The following HUS1 variants were observed in gnomAD, a reference collection of about 807,000 sequenced individuals.
HUS1 encodes the protein HUS1 checkpoint clamp component.
HUS1 carries 31 observed loss-of-function variants against 32.6 expected under a neutral mutation model. That is an observed-to-expected ratio of 0.95 (90% CI 0.72 to 1.28). The LOEUF is 1.28. Among genes scored for constraint, HUS1 ranks in the 50% most tolerant of loss-of-function variants. HUS1 has a pLI of 0.00. For missense variants in HUS1, 340 were observed against 337.7 expected (o/e 1.01, Z -0.05); for synonymous variants, 123 against 116.6 (o/e 1.06, Z -0.36).
chr7:47,964,399 G>C lies in HUS1; in HGVS notation c.*957C>G. ...AACAAAACAAAACAAGAAAACAAAAGATAATGTTTATCATGTCCACCTCCA... is the reference window on the plus strand; with the variant it reads ...AACAAAACAAAACAAGAAAACAAAACATAATGTTTATCATGTCCACCTCCA... On this transcript the variant is annotated 3_prime_UTR_variant, in exon 8 of 8. Coordinates refer to ENST00000258774, the MANE Select transcript of HUS1 (RefSeq NM_004507.4). 1 of 152,242 alleles carries C rather than the reference G, an allele frequency of 6.6e-6. No homozygotes were observed. Among genetic ancestry groups the C allele is most frequent in the East Asian group, 1.9e-4 (1 of 5,184 alleles). 9.4% of individuals were successfully genotyped at this position (152,242 alleles called of 1,614,324 possible). A position where few individuals can be genotyped will look rare whatever the true frequency, so the allele number is the denominator to read the frequency against.
At chr7:47,970,394 T>C (rs1420120726) in intron 5 of HUS1, among the ~76,000 whole-genome samples, 1 of 150,494 alleles carries the variant, frequency 6.6e-6, no homozygotes, top group Non-Finnish European at 1.5e-5. Context: ...AGGAAAAATT[T>C]CAGAAACAGA....
In HUS1 at chr7:47,978,690, T is replaced by TGTG; in HGVS notation, c.178_179insCAC (p.Glu59_Gln60insPro). On this transcript the variant is annotated inframe_insertion and splice_region_variant, in exon 2 of 8. Transcript: ENST00000258774. ...GGCCTCTCAGAAGCTTTTGCTCACCTGTTCCAGCTCACACCACATGCTCAC... is the reference window on the plus strand; with the variant it reads ...GGCCTCTCAGAAGCTTTTGCTCACCTGTGGTTCCAGCTCACACCACATGCTCAC... 6.2e-7 allele frequency: 1 copy of TGTG among 1,614,158 alleles called. No homozygotes were observed. Among genetic ancestry groups the TGTG allele is most frequent in the South Asian group, 1.1e-5 (1 of 91,078 alleles).
chr7:47,965,525 G>A (rs2037483), intron 7 of HUS1, 87 bp from the exon 8 acceptor site: 420,200 of 867,144 alleles, frequency 0.48, 104,727 homozygotes, highest in East Asian at 0.52. Context: ...TTCCCAGCCT[G>A]CACCTCCTGT....
At chr7:47,977,543 T>A (rs111854917) in intron 3 of HUS1, among the ~76,000 whole-genome samples, 34 of 151,454 alleles carry the variant, frequency 2.2e-4, no homozygotes, top group African/African-American at 8.1e-4. Flanking sequence ...TACTGTGACA[T>A]GAAATGCCCT....
intron 7 of HUS1, 140 bp from the exon 8 acceptor site, chr7:47,965,578 T>C (rs1207528257): frequency 1.1e-5 from 7 of 618,158 alleles, no homozygotes; most frequent in Non-Finnish European, 2.9e-6. Flanking sequence ...GAGACCACAG[T>C]CTCTCACTCT....
chr7:47,965,615 G>A (rs561449205), intron 7 of HUS1, among the ~76,000 whole-genome samples, 177 bp from the exon 8 acceptor site: 21 of 152,170 alleles, frequency 1.4e-4, no homozygotes, highest in Non-Finnish European at 2.1e-4. Context: ...GCTACATCAC[G>A]GCCCCAGCAC....
Position 47,967,799 on chromosome 7 carries a change from C to T in HUS1, c.760+7G>A. ...ATATGAAAAACAAAACAGAGAAGCA[C>T]ACTCACTGCATAAGGCCTTTGTGGG... is the stretch of plus-strand genomic sequence containing the variant. On this transcript the variant is annotated splice_region_variant and intron_variant, in intron 7 of 7. Coordinates refer to ENST00000258774, the MANE Select transcript of HUS1 (RefSeq NM_004507.4). The T allele has an allele frequency of 6.2e-7, 1 of 1,608,604 alleles. No homozygotes were observed. Among genetic ancestry groups the T allele is most frequent in the Non-Finnish European group, 8.5e-7 (1 of 1,177,772 alleles).
intron 1 of HUS1, 52 bp downstream of exon 1, chr7:47,979,416 C>T (rs1788779002): frequency 1.2e-6 from 2 of 1,609,424 alleles, no homozygotes; most frequent in African/African-American, 2.7e-5. Flanking sequence ...CCACCGCGCG[C>T]TCACTGCTTC....
At position 47,979,493 on chromosome 7, in the gene HUS1, G is replaced by A. The variant is rs762826065; in HGVS notation, c.27C>T (p.Asp9=). The A allele has an allele frequency of 3.1e-6, 5 of 1,613,078 alleles. No individual in the cohort carries two copies. The highest frequency in any genetic ancestry group is 2.2e-5 in the South Asian group (2 of 91,074). Residue 9 remains aspartate, a synonymous_variant, in exon 1 of 8, where the codon GAC becomes GAT. Transcript: ENST00000258774. ...GTGTGAAGTGGTTCAGACAGGCCCC[G>A]TCCACGATCTTGGCCCGAAACTTCA... The part of the protein sequence containing the change: MKFRAKIV[D]GACLNHFTRI...
At position 47,963,849 on chromosome 7, in the gene HUS1, T is replaced by C. The variant is rs1788420547; in HGVS notation, c.*1507A>G. Reference sequence around the variant, plus strand: ...TGAACTTGGGAAGTGGAGGCTGCAGTAAGCCAAGATCGCGCCACTAGCACT... The same window carrying C: ...TGAACTTGGGAAGTGGAGGCTGCAGCAAGCCAAGATCGCGCCACTAGCACT... On this transcript the variant is annotated 3_prime_UTR_variant, in exon 8 of 8. Transcript: ENST00000258774. 6.6e-6 allele frequency: 1 copy of C among 151,344 alleles called. No homozygotes were observed. The highest frequency in any genetic ancestry group is 2.4e-5 in the African/African-American group (1 of 41,102). 9.4% of individuals were successfully genotyped at this position (151,344 alleles called of 1,614,324 possible).
Position 47,970,009 on chromosome 7 carries a change from G to A in HUS1, c.541-691C>T, listed in dbSNP as rs887441953. 4.6e-5 allele frequency among the ~76,000 whole-genome samples: 7 copies of A among 151,910 alleles called. No homozygotes were observed. The South Asian group carries it at 6.2e-4, about 14-fold the overall frequency. ...AGCACTTTGGGAGGCCGAGGCGGGC[G>A]GATCACGAGGTCAGGAGATCAAGAC... On this transcript the variant is annotated intron_variant, in intron 5 of 7. Coordinates refer to ENST00000258774, the MANE Select transcript of HUS1 (RefSeq NM_004507.4).
Position 47,976,780 on chromosome 7 carries a change from G to A in HUS1, c.415C>T (p.Pro139Ser). ...TGTAAGTCCTTCCACAATTTCCTAG[G>A]AATCACCTTTATGGGGATGTCATGG... ...VTHDIPIKVIPRKLWKDLQEP... is the reference protein window; with the variant it reads ...VTHDIPIKVISRKLWKDLQEP... The change falls in exon 4 of 8, where the codon CCT becomes TCT. Residue 139 changes from proline (P) to serine (S), a missense_variant. Physicochemically the swap from Pro to Ser is moderately conservative, Grantham distance 74. Coordinates refer to ENST00000258774, the MANE Select transcript of HUS1 (RefSeq NM_004507.4). 6.2e-7 allele frequency: 1 copy of A among 1,613,760 alleles called. No homozygotes were observed. Among genetic ancestry groups the A allele is most frequent in the Non-Finnish European group, 8.5e-7 (1 of 1,179,764 alleles).
intron 7 of HUS1, among the ~76,000 whole-genome samples, chr7:47,967,569 C>T (rs1788503874): frequency 6.6e-6 from 1 of 152,156 alleles, no homozygotes; most frequent in Non-Finnish European, 1.5e-5. Context: ...AGTGTGGCTG[C>T]AGGTTTCAGG....
rs1433075579 is a variant in HUS1, at chr7:47,969,262, T to C, written c.597A>G (p.Val199=). 4 of 1,591,038 alleles carry C rather than the reference T, an allele frequency of 2.5e-6. No homozygotes were observed. In the East Asian group the frequency reaches 6.7e-5, roughly 27 times the overall value. ...ELNLKIETEL[V]CVTTHFKDLG... The stretch of plus-strand genomic sequence containing the variant: ...GATCTTTAAAATGAGTTGTAACACA[T>C]ACTAATTCAGTTTCTATTTTCAAAT... Residue 199 remains valine (V), a synonymous_variant, in exon 6 of 8, where the codon GTA becomes GTG. Coordinates refer to ENST00000258774, the MANE Select transcript of HUS1 (RefSeq NM_004507.4).
rs1788439077 is a variant in HUS1 at position 47,964,685 on chromosome 7, AG to A, written c.*670del. Reference sequence around the variant, plus strand: ...ACAACCTAAACCCAAAACTGGCCCCAGGAAGAAACTAGTTGGAATGGCAGAA... The same window carrying A: ...ACAACCTAAACCCAAAACTGGCCCCAGAAGAAACTAGTTGGAATGGCAGAA... On this transcript the variant is annotated 3_prime_UTR_variant, in exon 8 of 8. Coordinates refer to ENST00000258774, the MANE Select transcript of HUS1 (RefSeq NM_004507.4). 1 of 152,306 alleles carries A rather than the reference AG, an allele frequency of 6.6e-6. No homozygotes were observed. The highest frequency in any genetic ancestry group is 1.5e-5 in the Non-Finnish European group (1 of 68,086). The allele number at this position is 152,306 out of a possible 1,614,324, so 9.4% of individuals were successfully genotyped here. A position where few individuals can be genotyped will look rare whatever the true frequency, so the allele number is the denominator to read the frequency against.
In HUS1 at chr7:47,979,592, C is replaced by A; in HGVS notation, c.-73G>T. ...GCGTCGCGCCCTGAGTGTCCCCGCC[C>A]GGAAACACGGCAGCGCGAACAGTGG... is the stretch of plus-strand genomic sequence containing the variant. On this transcript the variant is annotated 5_prime_UTR_variant, in exon 1 of 8. Coordinates refer to ENST00000258774, the MANE Select transcript of HUS1 (RefSeq NM_004507.4). 4 of 1,200,216 alleles carry A rather than the reference C, an allele frequency of 3.3e-6. No individual in the cohort carries two copies. Among genetic ancestry groups the A allele is most frequent in the Non-Finnish European group, 4.9e-6 (4 of 813,278 alleles). The allele number at this position is 1,200,216 out of a possible 1,614,324, so 74.3% of individuals were successfully genotyped here. A position where few individuals can be genotyped will look rare whatever the true frequency, so the allele number is the denominator to read the frequency against.
intron 5 of HUS1, among the ~76,000 whole-genome samples, chr7:47,973,138 CTG>C (rs1331173759): frequency 2.0e-5 from 3 of 152,222 alleles, no homozygotes; most frequent in Non-Finnish European, 2.9e-5. Flanking sequence ...TCTGTCATGA[CTG>C]TAAGTTTCCT....
rs1583710071 is a variant in HUS1, at chr7:47,963,971, C to G, written c.*1385G>C. The G allele has an allele frequency of 6.6e-6, 1 of 151,928 alleles. No individual in the cohort carries two copies. The highest frequency in any genetic ancestry group is 1.9e-4 in the East Asian group (1 of 5,190). The allele number at this position is 151,928 out of a possible 1,614,324, so 9.4% of individuals were successfully genotyped here. A position where few individuals can be genotyped will look rare whatever the true frequency, so the allele number is the denominator to read the frequency against. On this transcript the variant is annotated 3_prime_UTR_variant, in exon 8 of 8. Coordinates refer to ENST00000258774, the MANE Select transcript of HUS1 (RefSeq NM_004507.4). ...ACATCAAAAGAATCATTCAAATACACTGGTTTTATCAAAAAACATGAAAAA... is the reference window on the plus strand; with the variant it reads ...ACATCAAAAGAATCATTCAAATACAGTGGTTTTATCAAAAAACATGAAAAA...
intron 5 of HUS1, among the ~76,000 whole-genome samples, chr7:47,970,815 T>C (rs1018317654): frequency 1.8e-4 from 27 of 152,228 alleles, no homozygotes; most frequent in African/African-American, 5.5e-4. Flanking sequence ...GTCATTCTTT[T>C]TGATAGCAAT....
Sources: allele counts gnomAD v4.1 joint callset (sites outside exome capture counted in the v4.1 genomes callset), GRCh38; gene constraint gnomAD v4.1.1; transcripts MANE v1.5; gene names NCBI Gene and HGNC (gene_info 2026-07-23, HGNC 2026-07-21).